Variants in NFATC1 observed in about 807,000 individuals in gnomAD.
NFATC1 encodes the protein nuclear factor of activated T cells 1, also known as nuclear factor of activated T-cells, cytoplasmic 1.
In NFATC1, 22 loss-of-function variants were observed where a neutral mutation model predicts 76.0. The ratio of observed to expected loss-of-function variants is 0.29; its 90% confidence interval spans 0.21 to 0.41. The LOEUF is 0.41. Among genes scored for constraint, NFATC1 ranks in the 10% least tolerant of loss-of-function variants. The pLI, the probability that NFATC1 is intolerant of heterozygous loss-of-function variation, is 1.00. For synonymous variants in NFATC1, 704 were observed against 613.1 expected, an observed-to-expected ratio of 1.15 and a Z score of -2.19; for missense variants, 1,357 against 1,337.7, an observed-to-expected ratio of 1.01 and a Z score of -0.23.
At chr18:79,432,274 T>G (rs1345315468) in intron 2 of NFATC1, among the ~76,000 whole-genome samples, 1 of 118,258 alleles carries the variant, frequency 8.5e-6, no homozygotes, top group Non-Finnish European at 1.8e-5. Flanking sequence ...TCACAGGCCC[T>G]GTGTGGAGGG....
chr18:79,498,490 G>C (rs1373616550), intron 9 of NFATC1: 3 of 151,968 alleles, frequency 2.0e-5, no homozygotes, highest in Non-Finnish European at 4.4e-5. Context: ...TTTAGACTGA[G>C]GAACAGAAAG....
Position 79,469,639 on chromosome 18 carries a change from C to T in NFATC1, c.2092+2057C>T, listed in dbSNP as rs371731009. 1.4e-3 allele frequency: 1,402 copies of T among 985,870 alleles called. 24 individuals are homozygous for T. The African/African-American group carries it at 0.02, about 14-fold the overall frequency. 61.1% of individuals were successfully genotyped at this position (985,870 alleles called of 1,614,324 possible). A position where few individuals can be genotyped will look rare whatever the true frequency, so the allele number is the denominator to read the frequency against. On this transcript the variant is annotated intron_variant, in intron 8 of 9. Coordinates refer to ENST00000427363, the MANE Select transcript of NFATC1 (RefSeq NM_001278669.2). ...CCCTGCCCAGTGTCTCGGCTGCACC[C>T]TCCACCCCCCATCTGCTCCAGCATG... is the stretch of plus-strand genomic sequence containing the variant.
In NFATC1 at chr18:79,451,669, GA is replaced by G; in HGVS notation, c.1763-6del. 1 of 1,586,866 alleles carries G rather than the reference GA, an allele frequency of 6.3e-7. No individual in the cohort carries two copies. Among genetic ancestry groups the G allele is most frequent in the East Asian group, 2.3e-5 (1 of 43,704 alleles). On this transcript the variant is annotated splice_region_variant and splice_polypyrimidine_tract_variant and intron_variant, in intron 5 of 9. Transcript: ENST00000427363. The stretch of plus-strand genomic sequence containing the variant: ...AGGCCCTCACTGCCCCTCTCCTTCT[GA>G]TGCAGCCCAGCGCTCAGCTCAGGAG...
intron 6 of NFATC1, among the ~76,000 whole-genome samples, chr18:79,457,638 T>A (rs2144831787): frequency 6.6e-6 from 1 of 152,376 alleles, no homozygotes; most frequent in East Asian, 1.9e-4. Flanking sequence ...CACATAATTA[T>A]GCGGCCACCA....
At position 79,411,379 on chromosome 18, in the gene NFATC1, C is replaced by A; in HGVS notation, c.1104C>A (p.Pro368=). The A allele has an allele frequency of 6.3e-7, 1 of 1,584,502 alleles. No individual in the cohort carries two copies. The highest frequency in any genetic ancestry group is 2.2e-5 in the East Asian group (1 of 44,682). Residue 368 remains proline, a synonymous_variant, in exon 2 of 10, where the codon CCC becomes CCA. Coordinates refer to ENST00000427363, the MANE Select transcript of NFATC1 (RefSeq NM_001278669.2). ...CCCCGCCCCCGGCCGACTTCGCGCC[C>A]GAAGACTACTCCTCTTTCCAGCACA... The part of the protein sequence containing the change: ...GSPPPPADFA[P]EDYSSFQHIR...
intron 3 of NFATC1, among the ~76,000 whole-genome samples, chr18:79,438,692 G>C (rs536259802): frequency 6.6e-6 from 1 of 152,320 alleles, no homozygotes; most frequent in South Asian, 2.1e-4. Context: ...GGTGGTCTGG[G>C]ATCCTGCCTC....
At chr18:79,456,482 T>A (rs1334703768) in intron 6 of NFATC1, among the ~76,000 whole-genome samples, 1 of 152,338 alleles carries the variant, frequency 6.6e-6, no homozygotes, top group African/African-American at 2.4e-5. Flanking sequence ...AGGCCCCGAT[T>A]TCCCCAGTGA....
intron 9 of NFATC1, among the ~76,000 whole-genome samples, chr18:79,493,236 C>A (rs530128514): frequency 6.6e-6 from 1 of 152,370 alleles, no homozygotes; most frequent in South Asian, 2.1e-4. Flanking sequence ...GGGGCGGACT[C>A]GCGGTGGATT....
At chr18:79,513,853 T>C (rs1439067663) in intron 9 of NFATC1, among the ~76,000 whole-genome samples, 1 of 152,160 alleles carries the variant, frequency 6.6e-6, no homozygotes, top group African/African-American at 2.4e-5. Flanking sequence ...GGCTGTGCCA[T>C]GTGCATGCCC....
intron 3 of NFATC1, among the ~76,000 whole-genome samples, chr18:79,441,461 C>G (rs947003549): frequency 5.3e-5 from 8 of 152,112 alleles, no homozygotes; most frequent in African/African-American, 1.4e-4. Context: ...GCTGGGAGGG[C>G]TTGTGGGGGA....
chr18:79,486,519 C>G lies in NFATC1; in HGVS notation c.2364C>G (p.Leu788=). 1 of 1,601,742 alleles carries G rather than the reference C, an allele frequency of 6.2e-7. No homozygotes were observed. The highest frequency in any genetic ancestry group is 8.5e-7 in the Non-Finnish European group (1 of 1,178,852). The stretch of plus-strand genomic sequence containing the variant: ...TTGCCAGCCCGGGCCACTGTCACCT[C>G]GGACTCCCGCAGCCGGCCGGAGAGG... ...KGVASPGHCH[L]GLPQPAGEAP... The change falls in exon 9 of 10, where the codon CTC becomes CTG. Residue 788 remains leucine (L), a synonymous_variant. Transcript: ENST00000427363.
intron 1 of NFATC1, among the ~76,000 whole-genome samples, chr18:79,405,908 C>T (rs1485673688): frequency 3.3e-5 from 5 of 152,204 alleles, no homozygotes; most frequent in East Asian, 1.9e-4. Flanking sequence ...GCGGAGTCTC[C>T]TCCTCTTCCT....
chr18:79,400,525 G>C (rs1376360111), intron 1 of NFATC1: 1 of 1,349,034 alleles, frequency 7.4e-7, no homozygotes, highest in Admixed American at 4.0e-5. Flanking sequence ...CCAGGTCGGG[G>C]TTTGGGGGCG....
intron 1 of NFATC1, among the ~76,000 whole-genome samples, chr18:79,402,812 GTTAA>G (rs973595935): frequency 2.0e-5 from 3 of 152,302 alleles, no homozygotes; most frequent in East Asian, 1.9e-4. Flanking sequence ...ATTCAATGGT[GTTAA>G]TTATTTATAT....
chr18:79,487,011 G>A (rs758283087), intron 9 of NFATC1, 74 bp downstream of exon 9: 144 of 1,460,540 alleles, frequency 9.9e-5, no homozygotes, highest in East Asian at 3.3e-4. Flanking sequence ...GGCCGTGTGC[G>A]TGCTGCGTGT....
rs763469572 is a variant in NFATC1, at chr18:79,411,248, C to G, written c.973C>G (p.Leu325Val). The G allele has an allele frequency of 6.2e-7, 1 of 1,603,686 alleles. No homozygotes were observed. The highest frequency in any genetic ancestry group is 8.5e-7 in the Non-Finnish European group (1 of 1,179,800). ...CAACGCGCTGACCACCGACAGCAGCCTGGACCTGGGAGATGGCGTCCCTGT... is the reference window on the plus strand; with the variant it reads ...CAACGCGCTGACCACCGACAGCAGCGTGGACCTGGGAGATGGCGTCCCTGT... ...AINALTTDSSLDLGDGVPVKS... is the reference protein window; with the variant it reads ...AINALTTDSSVDLGDGVPVKS... Residue 325 changes from leucine to valine, a missense_variant, in exon 2 of 10, where the codon CTG (leucine) becomes GTG (valine). Physicochemically the swap from Leu to Val is conservative, Grantham distance 32 (BLOSUM62 1). Transcript: ENST00000427363.
chr18:79,467,518 C>G lies in NFATC1; in HGVS notation c.2028C>G (p.Phe676Leu). 1 of 1,614,036 alleles carries G rather than the reference C, an allele frequency of 6.2e-7. No homozygotes were observed. The change falls in exon 8 of 10, where the codon TTC (phenylalanine) becomes TTG (leucine). Residue 676 changes from phenylalanine (F) to leucine (L), a missense_variant. Coordinates refer to ENST00000427363, the MANE Select transcript of NFATC1 (RefSeq NM_001278669.2). Reference sequence around the variant, plus strand: ...TAACCAGCCCCGTTCACGTCAGTTTCTACGTCTGCAACGGGAAGAGAAAGC... The same window carrying G: ...TAACCAGCCCCGTTCACGTCAGTTTGTACGTCTGCAACGGGAAGAGAAAGC... ...QRITSPVHVS[F>L]YVCNGKRKRS...
intron 9 of NFATC1, among the ~76,000 whole-genome samples, chr18:79,512,123 G>A (rs745702767): frequency 6.6e-6 from 1 of 152,128 alleles, no homozygotes; most frequent in Non-Finnish European, 1.5e-5. Flanking sequence ...CGGCCTCAGG[G>A]AGGATGGCTT....
chr18:79,446,255 GT>G (rs1375694150), intron 3 of NFATC1, among the ~76,000 whole-genome samples: 3 of 152,106 alleles, frequency 2.0e-5, no homozygotes, highest in Admixed American at 6.5e-5. Flanking sequence ...GAAATGGCAT[GT>G]TTTTTAAAGG....
Sources: allele counts gnomAD v4.1 joint callset (sites outside exome capture counted in the v4.1 genomes callset), GRCh38; gene constraint gnomAD v4.1.1; transcripts MANE v1.5; gene names NCBI Gene and HGNC (gene_info 2026-07-23, HGNC 2026-07-21).